The following PHKB variants were observed in gnomAD, a reference collection of about 807,000 sequenced individuals.
The protein encoded by PHKB is phosphorylase kinase regulatory subunit beta.
Under a neutral mutation model 152.1 loss-of-function variants are expected in PHKB, and 122 were observed. The observed-to-expected ratio is 0.80, with a 90% CI of 0.69 to 0.93. The LOEUF (loss-of-function observed/expected upper bound fraction) is 0.93. Ranked by LOEUF, PHKB falls within the 40% of genes least tolerant of loss-of-function variation. PHKB has a pLI of 0.00. For synonymous variants in PHKB, 436 were observed against 464.9 expected (o/e 0.94, Z 0.80); for missense variants, 1,304 against 1,328.4 (o/e 0.98, Z 0.29).
intron 13 of PHKB, among the ~76,000 whole-genome samples, chr16:47,608,202 T>C (rs1972362168): frequency 6.6e-6 from 1 of 152,206 alleles, no homozygotes; most frequent in Non-Finnish European, 1.5e-5. Flanking sequence ...GAAATCCAAT[T>C]TATCTCTTTA....
At chr16:47,525,691 C>A (rs1427235607) in intron 6 of PHKB, among the ~76,000 whole-genome samples, 1 of 152,046 alleles carries the variant, frequency 6.6e-6, no homozygotes, top group East Asian at 1.9e-4. Flanking sequence ...TGATGAAAAG[C>A]ACAAATCTTT....
chr16:47,503,490 A>G (rs1447236606), intron 4 of PHKB, among the ~76,000 whole-genome samples: 2 of 152,154 alleles, frequency 1.3e-5, no homozygotes, highest in Admixed American at 1.3e-4. Context: ...AAAATGTAAC[A>G]CTTCATTCAT....
intron 26 of PHKB, among the ~76,000 whole-genome samples, chr16:47,673,450 T>A (rs949304264): frequency 2.0e-5 from 3 of 152,172 alleles, no homozygotes; most frequent in Non-Finnish European, 4.4e-5. Flanking sequence ...TTTAATTAAA[T>A]CATGTCCTTC....
intron 7 of PHKB, among the ~76,000 whole-genome samples, chr16:47,559,203 A>G (rs1352371935): frequency 6.6e-6 from 1 of 152,154 alleles, no homozygotes; most frequent in Non-Finnish European, 1.5e-5. Flanking sequence ...CAGTCCAAAT[A>G]TACAACCCCA....
chr16:47,677,379 A>C (rs1973751646), intron 26 of PHKB, among the ~76,000 whole-genome samples: 1 of 152,370 alleles, frequency 6.6e-6, no homozygotes, highest in Non-Finnish European at 1.5e-5. Flanking sequence ...TTGGTGTATC[A>C]GCTCTGGCTT....
At position 47,698,601 on chromosome 16, in the gene PHKB, C is replaced by CCT; in HGVS notation, c.3144+13_3144+14insCT. 1.4e-6 allele frequency: 1 copy of CCT among 730,290 alleles called. No individual in the cohort carries two copies. The highest frequency in any genetic ancestry group is 1.8e-6 in the Non-Finnish European group (1 of 550,892). 45.2% of individuals were successfully genotyped at this position (730,290 alleles called of 1,614,324 possible). A position where few individuals can be genotyped will look rare whatever the true frequency, so the allele number is the denominator to read the frequency against. ...AATTGAAAAACAAGTAAGTACACAG[C>CCT]TTTTTTTTTTTTTTTTTTTTTGAGA... On this transcript the variant is annotated intron_variant, in intron 30 of 30. Transcript: ENST00000323584.
In PHKB at chr16:47,641,175, A is replaced by G; in HGVS notation, c.1514+85A>G. ...TTGCTTTATGTTTACAATATTGATT[A>G]TGGTAGAAGAGATTAACTTCAGAAA... On this transcript the variant is annotated intron_variant, in intron 15 of 30. Coordinates refer to ENST00000323584, the MANE Select transcript of PHKB (RefSeq NM_000293.3). 1.9e-6 allele frequency: 2 copies of G among 1,038,702 alleles called. 1 individual carries two copies. Among genetic ancestry groups the G allele is most frequent in the Middle Eastern group, 4.0e-4 (2 of 4,950 alleles). 64.3% of individuals were successfully genotyped at this position (1,038,702 alleles called of 1,614,324 possible). A position where few individuals can be genotyped will look rare whatever the true frequency, so the allele number is the denominator to read the frequency against.
At chr16:47,559,759 C>A (rs1026933057) in intron 7 of PHKB, among the ~76,000 whole-genome samples, 1 of 152,156 alleles carries the variant, frequency 6.6e-6, no homozygotes, top group Non-Finnish European at 1.5e-5. Context: ...TCCACCACAT[C>A]CTATTTGTTA....
intron 14 of PHKB, 134 bp downstream of exon 14, chr16:47,611,054 A>G: frequency 2.9e-6 from 2 of 700,628 alleles, no homozygotes; most frequent in South Asian, 3.0e-5. Flanking sequence ...CTGGTTAGTT[A>G]AGATTTACTT....
intron 14 of PHKB, among the ~76,000 whole-genome samples, chr16:47,634,378 A>T (rs1325131793): frequency 6.6e-6 from 1 of 152,236 alleles, no homozygotes; most frequent in African/African-American, 2.4e-5. Flanking sequence ...GCAGTCATTC[A>T]TCAAATAGTA....
intron 4 of PHKB, among the ~76,000 whole-genome samples, chr16:47,504,348 T>C (rs748205402): frequency 1.3e-4 from 20 of 152,344 alleles, no homozygotes; most frequent in Non-Finnish European, 2.2e-4. Flanking sequence ...CATGTGGGTA[T>C]CCTCTGTCTA....
At chr16:47,522,145 T>C (rs1302467245) in intron 6 of PHKB, among the ~76,000 whole-genome samples, 1 of 152,208 alleles carries the variant, frequency 6.6e-6, no homozygotes, top group Non-Finnish European at 1.5e-5. Flanking sequence ...AGGATTGGTA[T>C]TAATTCTTTA....
chr16:47,507,262 A>G (rs1436022737), intron 4 of PHKB, among the ~76,000 whole-genome samples: 1 of 151,918 alleles, frequency 6.6e-6, no homozygotes, highest in East Asian at 1.9e-4. Context: ...GGCGTGAGCC[A>G]CCATGCCTGG....
chr16:47,639,723 C>T (rs1972983949), intron 14 of PHKB, among the ~76,000 whole-genome samples: 1 of 152,066 alleles, frequency 6.6e-6, no homozygotes, highest in Non-Finnish European at 1.5e-5. Context: ...ATTGAAATAT[C>T]ATCTGTATTC....
intron 6 of PHKB, among the ~76,000 whole-genome samples, chr16:47,526,723 A>G (rs774055765): frequency 2.1e-4 from 32 of 152,248 alleles, no homozygotes; most frequent in Non-Finnish European, 3.4e-4. Context: ...AAAACACATC[A>G]TATCAATACT....
intron 6 of PHKB, among the ~76,000 whole-genome samples, chr16:47,530,659 G>A (rs1211287918): frequency 6.6e-6 from 1 of 152,178 alleles, no homozygotes; most frequent in Non-Finnish European, 1.5e-5. Flanking sequence ...ATCAACATAT[G>A]GAGAGCAATA....
At chr16:47,557,645 A>C (rs1257209942) in intron 7 of PHKB, among the ~76,000 whole-genome samples, 1 of 152,234 alleles carries the variant, frequency 6.6e-6, no homozygotes, top group Non-Finnish European at 1.5e-5. Context: ...GCTCACCATC[A>C]CTGGCCATCA....
intron 1 of PHKB, among the ~76,000 whole-genome samples, chr16:47,489,216 T>C (rs1970103973): frequency 6.6e-6 from 1 of 152,174 alleles, no homozygotes. Flanking sequence ...CATGGCTGGC[T>C]AATTTTTTGT....
intron 1 of PHKB, among the ~76,000 whole-genome samples, chr16:47,491,416 T>A (rs1328136559): frequency 2.6e-5 from 4 of 152,194 alleles, no homozygotes; most frequent in African/African-American, 9.7e-5. Context: ...GTCCTCCTAT[T>A]TACATATTGG....
Sources: allele counts gnomAD v4.1 joint callset (sites outside exome capture counted in the v4.1 genomes callset), GRCh38; gene constraint gnomAD v4.1.1; transcripts MANE v1.5; gene names NCBI Gene and HGNC (gene_info 2026-07-23, HGNC 2026-07-21).